TVP23C: variants seen among roughly 807,000 people sequenced by gnomAD.
The protein encoded by TVP23C is trans-golgi network vesicle protein 23 homolog C.
A neutral mutation model predicts 28.7 loss-of-function variants in TVP23C; 19 were observed. That is an observed-to-expected ratio of 0.66 (90% confidence interval 0.46 to 0.97). The LOEUF (loss-of-function observed/expected upper bound fraction) is 0.97, where lower values mean the gene tolerates loss of function less well. Among genes scored for constraint, TVP23C ranks in the 50% least tolerant of loss-of-function variants. TVP23C has a pLI of 0.00. For synonymous variants in TVP23C, 68 were observed against 81.7 expected (o/e 0.83, Z 0.90); for missense variants, 186 against 241.3 (o/e 0.77, Z 1.52).
chr17:15,502,800 C>CCT lies in TVP23C; in HGVS notation c.*62_*63dup, dbSNP rs942450466. ...TCTCTTCCCTCCCTCTCTCCTCTCT[C>CCT]CTCTCTCTCCTCTCTCTCTCTCTCT... On this transcript the variant is annotated 3_prime_UTR_variant, in exon 6 of 6. Coordinates refer to the TVP23C transcript ENST00000225576. 5.5e-6 allele frequency: 8 copies of CCT among 1,456,502 alleles called. No individual in the cohort carries two copies. The African/African-American group carries it at 9.5e-5, about 17-fold the overall frequency. The allele number at this position is 1,456,502 out of a possible 1,614,324, so 90.2% of individuals were successfully genotyped here. A position where few individuals can be genotyped will look rare whatever the true frequency, so the allele number is the denominator to read the frequency against.
chr17:15,502,499 A>G (rs1981488984), exon 6 of TVP23C: 1 of 202,960 alleles, frequency 4.9e-6, no homozygotes, highest in Non-Finnish European at 9.8e-6. Context: ...TAAAACAGGG[A>G]CTGGCTGGCC....
rs747798532 is a variant in TVP23C, at chr17:15,539,465, G to A, written c.*947C>T. 6.0e-5 allele frequency: 24 copies of A among 399,028 alleles called. No homozygotes were observed. Among genetic ancestry groups the A allele is most frequent in the Admixed American group, 1.9e-4 (3 of 15,534 alleles). The allele number at this position is 399,028 out of a possible 1,614,324, so 24.7% of individuals were successfully genotyped here. A position where few individuals can be genotyped will look rare whatever the true frequency, so the allele number is the denominator to read the frequency against. ...TACTAAAAATACAAAAAAGCCAGGC[G>A]TGGTGGCGGCGCCTGTAGTCCCAGC... is the stretch of plus-strand genomic sequence containing the variant. On this transcript the variant is annotated 3_prime_UTR_variant, in exon 6 of 6. Transcript: ENST00000518321.
intron 2 of TVP23C, among the ~76,000 whole-genome samples, chr17:15,554,235 T>TG (rs1450113345): frequency 5.7e-5 from 8 of 139,630 alleles, no homozygotes; most frequent in Non-Finnish European, 1.1e-4. Context: ...TTTGTTTGTT[T>TG]CTTTTTTTTT....
chr17:15,556,040 C>T (rs1984116421), intron 1 of TVP23C, among the ~76,000 whole-genome samples: 1 of 152,184 alleles, frequency 6.6e-6, no homozygotes, highest in South Asian at 2.1e-4. Context: ...CTTCAGCCTT[C>T]CAAGTTGCTG....
At chr17:15,551,823 G>A (rs1191633369) in intron 3 of TVP23C, among the ~76,000 whole-genome samples, 2 of 152,064 alleles carry the variant, frequency 1.3e-5, no homozygotes, top group Non-Finnish European at 2.9e-5. Context: ...TGTTTTTTTA[G>A]TAAGTACATT....
chr17:15,509,406 C>T (rs1597503372), intron 5 of TVP23C, among the ~76,000 whole-genome samples: 1 of 152,352 alleles, frequency 6.6e-6, no homozygotes, highest in African/African-American at 2.4e-5. Flanking sequence ...TCAGGAAATA[C>T]TTTAGAAAGT....
chr17:15,519,078 C>T (rs1287275126), intron 5 of TVP23C, among the ~76,000 whole-genome samples: 2 of 152,162 alleles, frequency 1.3e-5, no homozygotes, highest in African/African-American at 4.8e-5. Flanking sequence ...CTATAAGTTT[C>T]CTGAGGCCTC....
rs548989108 is a variant in TVP23C, at chr17:15,506,980, C to T, written c.463-3748G>A. The T allele has an allele frequency of 2.3e-4, 292 of 1,278,878 alleles. 2 individuals are homozygous for T. The Middle Eastern group carries it at 3.8e-3, about 17-fold the overall frequency. 79.2% of individuals were successfully genotyped at this position (1,278,878 alleles called of 1,614,324 possible). ...AAAGACGGCAGAAAACTTTCATGCT[C>T]TAAGCACTGGAGAGAAAGGATTTGG... On this transcript the variant is annotated intron_variant, in intron 5 of 5. Coordinates refer to the TVP23C transcript ENST00000225576.
intron 5 of TVP23C, among the ~76,000 whole-genome samples, chr17:15,520,389 G>C (rs1016541828): frequency 6.8e-6 from 1 of 147,972 alleles, no homozygotes; most frequent in African/African-American, 2.5e-5. Flanking sequence ...TCCCTTTTTT[G>C]GGTCATCTTT....
intron 5 of TVP23C, among the ~76,000 whole-genome samples, chr17:15,543,421 A>G (rs1448506352): frequency 6.6e-6 from 1 of 151,468 alleles, no homozygotes; most frequent in African/African-American, 2.4e-5. Flanking sequence ...CATAGTATAC[A>G]GAAGATAGGT....
At chr17:15,530,090 T>A (rs889963314) in intron 5 of TVP23C, among the ~76,000 whole-genome samples, 21 of 152,180 alleles carry the variant, frequency 1.4e-4, no homozygotes, top group African/African-American at 4.8e-4. Context: ...TGAGCCACTG[T>A]GCCCAGCCGC....
At chr17:15,525,342 A>G (rs2654409) in intron 5 of TVP23C, among the ~76,000 whole-genome samples, 3 of 152,152 alleles carry the variant, frequency 2.0e-5, no homozygotes, top group Non-Finnish European at 2.9e-5. Context: ...TTTTGTGTCA[A>G]CTTGGCTAGT....
rs1252272200 is a variant in TVP23C at position 15,540,229 on chromosome 17, T to C, written c.*183A>G. 3.1e-6 allele frequency: 4 copies of C among 1,272,680 alleles called. No homozygotes were observed. The highest frequency in any genetic ancestry group is 4.0e-6 in the Non-Finnish European group (4 of 1,003,244). The allele number at this position is 1,272,680 out of a possible 1,614,324, so 78.8% of individuals were successfully genotyped here. On this transcript the variant is annotated 3_prime_UTR_variant, in exon 6 of 6. Coordinates refer to ENST00000518321, the MANE Select transcript of TVP23C (RefSeq NM_001135036.2). ...ATTATCAATGATAGTTTATCCTTCC[T>C]GGCTTTAAAATAATTTTAGGATACT...
At position 15,539,890 on chromosome 17, in the gene TVP23C, G is replaced by C. The variant is rs1330457372; in HGVS notation, c.*522C>G. 6 of 740,142 alleles carry C rather than the reference G, an allele frequency of 8.1e-6. No homozygotes were observed. Among genetic ancestry groups the C allele is most frequent in the Non-Finnish European group, 9.9e-6 (6 of 606,510 alleles). The allele number at this position is 740,142 out of a possible 1,614,324, so 45.8% of individuals were successfully genotyped here. ...GGGCAGATCACAAGGTCATGAGATG[G>C]AGACCATCCTGGCTAACATGATGAA... On this transcript the variant is annotated 3_prime_UTR_variant, in exon 6 of 6. Coordinates refer to ENST00000518321, the MANE Select transcript of TVP23C (RefSeq NM_001135036.2).
At chr17:15,507,322 A>T (rs2150826756) in intron 5 of TVP23C, 1 of 760,130 alleles carries the variant, frequency 1.3e-6, no homozygotes, top group Non-Finnish European at 2.4e-6. Flanking sequence ...ACCAGCAAGA[A>T]GATCACCATT....
downstream of TVP23C, among the ~76,000 whole-genome samples, chr17:15,532,177 T>C (rs1407718218): frequency 1.3e-5 from 2 of 152,226 alleles, no homozygotes; most frequent in Non-Finnish European, 2.9e-5. Flanking sequence ...TTTTTTAAGT[T>C]TTCTGGCCAG....
intron 5 of TVP23C, among the ~76,000 whole-genome samples, chr17:15,506,577 G>T (rs1225949972): frequency 6.6e-6 from 1 of 152,220 alleles, no homozygotes; most frequent in Non-Finnish European, 1.5e-5. Flanking sequence ...CTTCCACACT[G>T]CGGAAGCTTT....
Position 15,552,924 on chromosome 17 carries a change from T to TACTATGTACCTATCTATCC in TVP23C, c.240+760_240+761insGGATAGATAGGTACATAGT, listed in dbSNP as rs1349636225. Among the ~76,000 whole-genome samples, 3 of 151,050 alleles carry TACTATGTACCTATCTATCC rather than the reference T, an allele frequency of 2.0e-5. No homozygotes were observed. In the East Asian group the frequency reaches 5.9e-4, roughly 30 times the overall value. On this transcript the variant is annotated intron_variant, in intron 3 of 5. Coordinates refer to ENST00000518321, the MANE Select transcript of TVP23C (RefSeq NM_001135036.2). ...ATTTTATTATGCTTACTTATCTATT[T>TACTATGTACCTATCTATCC]ATTATGTACCTATCTATCCATCCAT...
At chr17:15,502,668 C>G (rs942586286) in exon 6 of TVP23C, 1 of 976,638 alleles carries the variant, frequency 1.0e-6, no homozygotes, top group Non-Finnish European at 1.4e-6. Flanking sequence ...CTCTTCTGCC[C>G]TTTTCCCCTT....
Sources: allele counts gnomAD v4.1 joint callset (sites outside exome capture counted in the v4.1 genomes callset), GRCh38; gene constraint gnomAD v4.1.1; transcripts MANE v1.5; gene names NCBI Gene and HGNC (gene_info 2026-07-23, HGNC 2026-07-21).